The following ZNF385B variants were observed in gnomAD, a reference collection of about 807,000 sequenced individuals.
ZNF385B encodes zinc finger protein 385B, also known as zinc finger protein 533.
Under a neutral mutation model 39.2 loss-of-function variants are expected in ZNF385B, and 23 were observed. That is an observed-to-expected ratio of 0.59 (90% CI 0.42 to 0.83). The LOEUF (loss-of-function observed/expected upper bound fraction) is 0.83, where lower values mean the gene tolerates loss of function less well. Among genes scored for constraint, ZNF385B ranks in the 40% least tolerant of loss-of-function variants. ZNF385B has a pLI of 0.00. For synonymous variants in ZNF385B, 205 were observed against 222.6 expected (o/e 0.92, Z 0.70); for missense variants, 552 against 598.9 (o/e 0.92, Z 0.82).
intron 5 of ZNF385B, among the ~76,000 whole-genome samples, chr2:179,499,205 A>G (rs1559349486): frequency 6.6e-6 from 1 of 151,964 alleles, no homozygotes; most frequent in Non-Finnish European, 1.5e-5. Context: ...AAAGCCTGGG[A>G]CCCCATAGCT....
chr2:179,774,494 G>C (rs1198314412), intron 1 of ZNF385B, among the ~76,000 whole-genome samples: 4 of 152,022 alleles, frequency 2.6e-5, no homozygotes. Flanking sequence ...CTGAGTAACT[G>C]GGACTACAGG....
intron 3 of ZNF385B, among the ~76,000 whole-genome samples, chr2:179,752,340 G>C (rs1390634952): frequency 6.6e-6 from 1 of 152,122 alleles, no homozygotes; most frequent in Non-Finnish European, 1.5e-5. Context: ...ATCATTGATG[G>C]ACATTTGGGT....
At chr2:179,701,699 T>C (rs773079879) in intron 3 of ZNF385B, among the ~76,000 whole-genome samples, 2 of 152,242 alleles carry the variant, frequency 1.3e-5, no homozygotes, top group South Asian at 4.1e-4. Context: ...CAGAAATGCC[T>C]GGCATTTGTT....
At chr2:179,537,794 A>C (rs1242180636) in intron 4 of ZNF385B, among the ~76,000 whole-genome samples, 1 of 152,018 alleles carries the variant, frequency 6.6e-6, no homozygotes, top group Non-Finnish European at 1.5e-5. Flanking sequence ...GAAATGTAAA[A>C]TTTTCTAGGC....
At chr2:179,795,143 C>G (rs1448165034) in intron 1 of ZNF385B, among the ~76,000 whole-genome samples, 1 of 151,264 alleles carries the variant, frequency 6.6e-6, no homozygotes, top group Non-Finnish European at 1.5e-5. Context: ...ATCAAGGAAG[C>G]TAAAAAAGAA....
rs1210722128 is a variant in ZNF385B at position 179,660,155 on chromosome 2, G to A, written c.298+109348C>T. On this transcript the variant is annotated intron_variant, in intron 3 of 9. Transcript: ENST00000410066. ...TAATAAATGTATCAGGAGCTGAGAG[G>A]TACATTAACCTGCCACCGGTTTTAT... 5.2e-5 allele frequency: 8 copies of A among 152,632 alleles called. No individual in the cohort carries two copies. In the South Asian group the frequency reaches 1.5e-3, roughly 28 times the overall value. The allele number at this position is 152,632 out of a possible 1,614,324, so 9.5% of individuals were successfully genotyped here. A position where few individuals can be genotyped will look rare whatever the true frequency, so the allele number is the denominator to read the frequency against.
chr2:179,841,532 A>G (rs1708534840), intron 1 of ZNF385B, among the ~76,000 whole-genome samples: 1 of 152,218 alleles, frequency 6.6e-6, no homozygotes, highest in Non-Finnish European at 1.5e-5. Flanking sequence ...GGAATTCTCA[A>G]TCTCAGCACT....
At chr2:179,611,667 C>A (rs1233441836) in intron 3 of ZNF385B, among the ~76,000 whole-genome samples, 3 of 152,198 alleles carry the variant, frequency 2.0e-5, no homozygotes, top group African/African-American at 4.8e-5. Flanking sequence ...TCAGGCTTTC[C>A]TTTGCTGGGA....
At chr2:179,845,616 AG>A (rs1158372411) in intron 1 of ZNF385B, among the ~76,000 whole-genome samples, 1 of 152,210 alleles carries the variant, frequency 6.6e-6, no homozygotes, top group Non-Finnish European at 1.5e-5. Context: ...TCATTTGCAA[AG>A]ATTTGCAGCC....
At chr2:179,514,523 G>A (rs542658233) in intron 5 of ZNF385B, among the ~76,000 whole-genome samples, 2 of 152,188 alleles carry the variant, frequency 1.3e-5, no homozygotes, top group East Asian at 1.9e-4. Context: ...ATGGGAGCTC[G>A]CTATGTTCTG....
At chr2:179,803,032 A>G (rs539672803) in intron 1 of ZNF385B, among the ~76,000 whole-genome samples, 14 of 152,310 alleles carry the variant, frequency 9.2e-5, no homozygotes, top group African/African-American at 3.4e-4. Flanking sequence ...AACAGTTGAC[A>G]TATTCAATCT....
At chr2:179,670,979 T>C (rs752963033) in intron 3 of ZNF385B, among the ~76,000 whole-genome samples, 18 of 152,180 alleles carry the variant, frequency 1.2e-4, no homozygotes, top group Non-Finnish European at 2.6e-4. Context: ...TCTCCATCTA[T>C]GGAATGTGAT....
At chr2:179,855,365 C>T in intron 1 of ZNF385B, among the ~76,000 whole-genome samples, 1 of 152,096 alleles carries the variant, frequency 6.6e-6, no homozygotes, top group Non-Finnish European at 1.5e-5. Flanking sequence ...ATAAAATGCT[C>T]TCTTAGGTCC....
At chr2:179,750,032 C>T (rs2106466814) in intron 3 of ZNF385B, among the ~76,000 whole-genome samples, 1 of 152,246 alleles carries the variant, frequency 6.6e-6, no homozygotes, top group South Asian at 2.1e-4. Flanking sequence ...GAGTTCTGTA[C>T]TTAATCCACA....
intron 3 of ZNF385B, among the ~76,000 whole-genome samples, chr2:179,764,728 G>A (rs963927243): frequency 6.6e-6 from 1 of 152,108 alleles, no homozygotes; most frequent in South Asian, 2.1e-4. Context: ...TTTAGCATCA[G>A]ATGATTATAT....
chr2:179,593,915 G>A (rs1378009176), intron 3 of ZNF385B, among the ~76,000 whole-genome samples: 1 of 152,168 alleles, frequency 6.6e-6, no homozygotes, highest in Non-Finnish European at 1.5e-5. Flanking sequence ...CTCCTGTCAA[G>A]AGTGTACACA....
chr2:179,766,780 T>G (rs527571770), intron 3 of ZNF385B, among the ~76,000 whole-genome samples: 187 of 152,296 alleles, frequency 1.2e-3, no homozygotes, highest in Middle Eastern at 3.4e-3. Context: ...ATATATTTTT[T>G]TGTGTGTGTG....
At chr2:179,620,471 C>T (rs184777301) in intron 3 of ZNF385B, among the ~76,000 whole-genome samples, 1 of 151,838 alleles carries the variant, frequency 6.6e-6, no homozygotes, top group African/African-American at 2.4e-5. Context: ...TTATTACAGA[C>T]CTTCTATAAA....
intron 3 of ZNF385B, among the ~76,000 whole-genome samples, chr2:179,701,318 T>A (rs893445772): frequency 2.6e-5 from 4 of 152,216 alleles, no homozygotes; most frequent in Non-Finnish European, 5.9e-5. Context: ...CTCATCTTTC[T>A]ACACATTCTT....
Sources: gnomAD v4.1 joint callset for allele counts (sites outside exome capture counted in the v4.1 genomes callset) on GRCh38, gnomAD v4.1.1 for gene constraint, MANE v1.5 for transcripts, NCBI Gene and HGNC (gene_info 2026-07-23, HGNC 2026-07-21) for gene names.